The following AFF4 variants were observed in gnomAD, a reference collection of about 807,000 sequenced individuals.
The protein encoded by AFF4 is ALF transcription elongation factor 4.
In AFF4, 13 loss-of-function variants were observed where a neutral mutation model predicts 124.8. The ratio of observed to expected loss-of-function variants is 0.10; its 90% CI spans 0.07 to 0.17. The LOEUF is 0.17. Among genes scored for constraint, AFF4 ranks in the 10% least tolerant of loss-of-function variants. The pLI is 1.00. For missense variants in AFF4, 1,092 were observed against 1,403.8 expected, an observed-to-expected ratio of 0.78 and a Z score of 3.55; for synonymous variants, 477 against 496.1, an observed-to-expected ratio of 0.96 and a Z score of 0.51.
At chr5:132,901,153 CT>C (rs200657708) in intron 7 of AFF4, 18,777 of 985,292 alleles carry the variant, frequency 0.019, 189 homozygotes, top group Non-Finnish European at 0.021. Context: ...TGTACTTAGT[CT>C]GAATTCTCTC....
At chr5:132,940,224 G>A (rs1412766646) in intron 1 of AFF4, among the ~76,000 whole-genome samples, 5 of 150,058 alleles carry the variant, frequency 3.3e-5, no homozygotes, top group Non-Finnish European at 7.4e-5. Context: ...TAAAGGCCGG[G>A]TGCGGTGGCT....
At chr5:132,919,266 T>C (rs1473153734) in intron 5 of AFF4, among the ~76,000 whole-genome samples, 1 of 152,210 alleles carries the variant, frequency 6.6e-6, no homozygotes, top group Non-Finnish European at 1.5e-5. Context: ...AGGATTTACA[T>C]TGTAGTGACT....
intron 5 of AFF4, among the ~76,000 whole-genome samples, chr5:132,913,213 TAAAG>T (rs1327692984): frequency 6.6e-6 from 1 of 152,238 alleles, no homozygotes; most frequent in African/African-American, 2.4e-5. Flanking sequence ...TTCATAGTAA[TAAAG>T]ACTCAACTCA....
chr5:132,894,186 A>G (rs1375147989), intron 11 of AFF4, among the ~76,000 whole-genome samples: 3 of 152,248 alleles, frequency 2.0e-5, no homozygotes, highest in Admixed American at 1.3e-4. Flanking sequence ...TCTTGGATAT[A>G]TAACTAGCAG....
At chr5:132,907,137 G>A (rs972485918) in intron 5 of AFF4, among the ~76,000 whole-genome samples, 1 of 152,072 alleles carries the variant, frequency 6.6e-6, no homozygotes, top group Non-Finnish European at 1.5e-5. Flanking sequence ...CACCAAAGGC[G>A]AGACCATCTG....
intron 1 of AFF4, among the ~76,000 whole-genome samples, chr5:132,962,523 TA>T (rs1377440001): frequency 6.6e-6 from 1 of 151,998 alleles, no homozygotes; most frequent in Admixed American, 6.6e-5. Context: ...GAAAAGGCAA[TA>T]AGGTTACTCC....
rs1759939536 is a variant in AFF4 at position 132,880,206 on chromosome 5, T to G, written c.*853A>C. The G allele has an allele frequency of 2.5e-6, 1 of 398,848 alleles. No homozygotes were observed. 24.7% of individuals were successfully genotyped at this position (398,848 alleles called of 1,614,324 possible). A position where few individuals can be genotyped will look rare whatever the true frequency, so the allele number is the denominator to read the frequency against. On this transcript the variant is annotated 3_prime_UTR_variant, in exon 21 of 21. Coordinates refer to ENST00000265343, the MANE Select transcript of AFF4 (RefSeq NM_014423.4). ...AAATGATTAGCAACAAAAAATAACA[T>G]ATGGTTTTAATAAAATCCGTAACGT... is the stretch of plus-strand genomic sequence containing the variant.
intron 17 of AFF4, 115 bp downstream of exon 17, chr5:132,887,406 T>C: frequency 2.0e-6 from 2 of 983,412 alleles, no homozygotes; most frequent in Admixed American, 2.4e-5. Flanking sequence ...CAGGAACAGA[T>C]TTAAGACAGG....
At chr5:132,895,248 G>A (rs1760359965) in intron 11 of AFF4, among the ~76,000 whole-genome samples, 2 of 152,066 alleles carry the variant, frequency 1.3e-5, no homozygotes, top group African/African-American at 4.8e-5. Context: ...AGTAAGCTTT[G>A]GTTTTCTAAA....
At chr5:132,908,776 A>ATATTTTT (rs375891983) in intron 5 of AFF4, among the ~76,000 whole-genome samples, 2 of 114,890 alleles carry the variant, frequency 1.7e-5, no homozygotes, top group East Asian at 2.4e-4. Flanking sequence ...ATATATATAT[A>ATATTTTT]TTTTTTTTTT....
intron 3 of AFF4, 140 bp from the exon 4 acceptor site, chr5:132,932,362 T>A (rs758571457): frequency 1.7e-5 from 9 of 530,528 alleles, no homozygotes; most frequent in Non-Finnish European, 1.8e-5. Context: ...TTGGATTAAT[T>A]TCCTTAAATA....
chr5:132,932,241 A>G lies in AFF4; in HGVS notation c.919-19T>C, dbSNP rs747476108. The G allele has an allele frequency of 6.2e-7, 1 of 1,600,304 alleles. No homozygotes were observed. Among genetic ancestry groups the G allele is most frequent in the African/African-American group, 1.3e-5 (1 of 74,340 alleles). ...CTGATGCCTTGAAAGAAAAAGCAGC[A>G]CACATTAGATTTTTATCAGTAGATT... is the stretch of plus-strand genomic sequence containing the variant. On this transcript the variant is annotated intron_variant, in intron 3 of 20. Coordinates refer to ENST00000265343, the MANE Select transcript of AFF4 (RefSeq NM_014423.4).
At position 132,909,548 on chromosome 5, in the gene AFF4, G is replaced by T. The variant is rs115125652; in HGVS notation, c.1051-5144C>A. Reference sequence around the variant, plus strand: ...TTCGTGGTGGTGTGCGTGTGTGTGTGTGTATCTGTGTGTGAGATAGAGAGA... The same window carrying T: ...TTCGTGGTGGTGTGCGTGTGTGTGTTTGTATCTGTGTGTGAGATAGAGAGA... On this transcript the variant is annotated intron_variant, in intron 5 of 20. Coordinates refer to ENST00000265343, the MANE Select transcript of AFF4 (RefSeq NM_014423.4). Among the ~76,000 whole-genome samples the T allele has an allele frequency of 5.7e-3, 870 of 152,322 alleles. 7 individuals carry two copies. Among genetic ancestry groups the T allele is most frequent in the African/African-American group, 0.02 (843 of 41,562 alleles).
At chr5:132,930,094 T>C (rs968355702) in intron 4 of AFF4, among the ~76,000 whole-genome samples, 1 of 152,186 alleles carries the variant, frequency 6.6e-6, no homozygotes, top group African/African-American at 2.4e-5. Context: ...GTCTGATAAG[T>C]ATGGCTTTAG....
intron 1 of AFF4, among the ~76,000 whole-genome samples, chr5:132,941,165 G>A (rs771798169): frequency 1.3e-5 from 2 of 151,618 alleles, no homozygotes; most frequent in Admixed American, 6.6e-5. Flanking sequence ...ACTATCTCTG[G>A]CTAAGATGAA....
At chr5:132,907,004 T>C (rs1189488775) in intron 5 of AFF4, among the ~76,000 whole-genome samples, 2 of 152,190 alleles carry the variant, frequency 1.3e-5, no homozygotes, top group Non-Finnish European at 1.5e-5. Flanking sequence ...CTTATATTCA[T>C]TTACTTGGTA....
At chr5:132,962,434 G>T (rs146756846) in intron 1 of AFF4, among the ~76,000 whole-genome samples, 11 of 152,176 alleles carry the variant, frequency 7.2e-5, no homozygotes, top group African/African-American at 2.6e-4. Context: ...ACCCTAAATC[G>T]AACTCTTCGC....
Position 132,877,336 on chromosome 5 carries a change from C to A in AFF4, c.*3723G>T, listed in dbSNP as rs1759862290. On this transcript the variant is annotated 3_prime_UTR_variant, in exon 21 of 21. Transcript: ENST00000265343. ...CAAATACATTTTAAAAGTTAATTTACTACAAATCATAGTAATTAAGCTTTA... is the reference window on the plus strand; with the variant it reads ...CAAATACATTTTAAAAGTTAATTTAATACAAATCATAGTAATTAAGCTTTA... 4.7e-6 allele frequency: 1 copy of A among 213,558 alleles called. No individual in the cohort carries two copies. The highest frequency in any genetic ancestry group is 1.9e-4 in the South Asian group (1 of 5,368). 13.2% of individuals were successfully genotyped at this position (213,558 alleles called of 1,614,324 possible).
At chr5:132,890,855 A>G (rs1367627435) in intron 13 of AFF4, among the ~76,000 whole-genome samples, 1 of 152,100 alleles carries the variant, frequency 6.6e-6, no homozygotes, top group Non-Finnish European at 1.5e-5. Context: ...ACAAAATAAG[A>G]CACAAATGCC....
Sources: allele counts gnomAD v4.1 joint callset (sites outside exome capture counted in the v4.1 genomes callset), GRCh38; gene constraint gnomAD v4.1.1; transcripts MANE v1.5; gene names NCBI Gene and HGNC (gene_info 2026-07-23, HGNC 2026-07-21).